The following HHAT variants were observed in gnomAD, a reference collection of about 807,000 sequenced individuals.
HHAT encodes the protein protein-cysteine N-palmitoyltransferase HHAT.
HHAT carries 47 observed loss-of-function variants against 70.8 expected under a neutral mutation model. That is an observed-to-expected ratio of 0.66 (90% CI 0.53 to 0.85). HHAT has a LOEUF of 0.85. HHAT is among the 40% of genes least tolerant of loss of function. HHAT has a pLI of 0.00. For missense variants in HHAT, 609 were observed against 604.8 expected, an observed-to-expected ratio of 1.01 and a Z score of -0.07; for synonymous variants, 228 against 247.6, an observed-to-expected ratio of 0.92 and a Z score of 0.74.
chr1:210,352,720 A>C (rs996714476), intron 2 of HHAT, among the ~76,000 whole-genome samples: 4 of 152,132 alleles, frequency 2.6e-5, no homozygotes, highest in African/African-American at 9.7e-5. Flanking sequence ...GCAAATCCAC[A>C]GCAGGGACTC....
chr1:210,363,474 T>C (rs1049172105), intron 3 of HHAT, among the ~76,000 whole-genome samples: 8 of 152,308 alleles, frequency 5.3e-5, no homozygotes, highest in African/African-American at 1.4e-4. Context: ...ATGTGACCAG[T>C]AGCACTTCTG....
At chr1:210,439,682 A>C (rs181741576) in intron 7 of HHAT, 2 of 152,078 alleles carry the variant, frequency 1.3e-5, no homozygotes, top group East Asian at 3.9e-4. Flanking sequence ...CGTGATGAGC[A>C]GGAGAGATGA....
intron 9 of HHAT, among the ~76,000 whole-genome samples, chr1:210,561,832 G>A (rs369554655): frequency 6.6e-5 from 10 of 152,144 alleles, no homozygotes; most frequent in Admixed American, 6.5e-4. Context: ...CTCAATGTTT[G>A]TTTTGTCTGT....
intron 10 of HHAT, among the ~76,000 whole-genome samples, chr1:210,592,203 T>C (rs1661874099): frequency 6.6e-6 from 1 of 152,178 alleles, no homozygotes; most frequent in Non-Finnish European, 1.5e-5. Flanking sequence ...GATTTGATTT[T>C]TTTTAATATG....
At chr1:210,618,606 A>C (rs1573777710) in intron 10 of HHAT, among the ~76,000 whole-genome samples, 1 of 150,558 alleles carries the variant, frequency 6.6e-6, no homozygotes, top group African/African-American at 2.5e-5. Flanking sequence ...GCCTGTCCCC[A>C]CCTCCCGTCT....
chr1:210,354,960 T>C (rs965631643), intron 2 of HHAT, among the ~76,000 whole-genome samples: 1 of 152,284 alleles, frequency 6.6e-6, no homozygotes, highest in African/African-American at 2.4e-5. Flanking sequence ...TTCTATCCAA[T>C]AATATATTTT....
intron 1 of HHAT, among the ~76,000 whole-genome samples, chr1:210,336,892 G>A (rs1202512081): frequency 6.6e-6 from 1 of 152,198 alleles, no homozygotes; most frequent in East Asian, 1.9e-4. Context: ...TCATTCTGAT[G>A]CTCCCAGGCT....
intron 9 of HHAT, among the ~76,000 whole-genome samples, chr1:210,516,441 G>T (rs371893354): frequency 6.6e-6 from 1 of 152,132 alleles, no homozygotes; most frequent in East Asian, 1.9e-4. Flanking sequence ...CTGATTCCTA[G>T]GGGGAGTGAG....
chr1:210,614,772 T>C (rs1278456751), intron 10 of HHAT, among the ~76,000 whole-genome samples: 6 of 152,254 alleles, frequency 3.9e-5, no homozygotes, highest in Non-Finnish European at 8.8e-5. Flanking sequence ...TAGTATTCCA[T>C]GGTGTATATG....
chr1:210,537,076 A>G lies in HHAT; in HGVS notation c.1043+23888A>G, dbSNP rs548841040. ...GGGCTTCAAGTTTGAAATAATGTCT[A>G]TTGCCTCTGATACATCCTCACCCAA... On this transcript the variant is annotated intron_variant, in intron 9 of 11. Coordinates refer to ENST00000261458, the MANE Select transcript of HHAT (RefSeq NM_018194.6). Among the ~76,000 whole-genome samples the G allele has an allele frequency of 7.2e-5, 11 of 152,168 alleles. No individual in the cohort carries two copies. In the South Asian group the frequency reaches 1.0e-3, roughly 14 times the overall value.
At chr1:210,636,705 C>T (rs889077288) in intron 11 of HHAT, among the ~76,000 whole-genome samples, 7 of 152,102 alleles carry the variant, frequency 4.6e-5, no homozygotes, top group Non-Finnish European at 8.8e-5. Flanking sequence ...CTACCATTGC[C>T]GGAAACAGAA....
chr1:210,490,563 C>CA (rs2094535549), intron 8 of HHAT, among the ~76,000 whole-genome samples: 1 of 152,120 alleles, frequency 6.6e-6, no homozygotes, highest in African/African-American at 2.4e-5. Flanking sequence ...ATATTCTGGC[C>CA]AAATCAAACA....
intron 7 of HHAT, among the ~76,000 whole-genome samples, chr1:210,434,802 TAAG>T (rs1005034861): frequency 3.3e-5 from 5 of 151,786 alleles, no homozygotes; most frequent in African/African-American, 1.2e-4. Flanking sequence ...ACACAGCAAA[TAAG>T]AAAATACAGG....
At chr1:210,663,653 A>T (rs941329175) in intron 11 of HHAT, among the ~76,000 whole-genome samples, 1 of 152,180 alleles carries the variant, frequency 6.6e-6, no homozygotes, top group African/African-American at 2.4e-5. Context: ...ATTTAGTAGA[A>T]TGCCCTTCCC....
intron 2 of HHAT, among the ~76,000 whole-genome samples, chr1:210,361,117 C>G (rs897308701): frequency 6.6e-6 from 1 of 152,174 alleles, no homozygotes; most frequent in Non-Finnish European, 1.5e-5. Flanking sequence ...TCCCGTGTAA[C>G]TCTGATGTTT....
At chr1:210,670,754 A>G (rs1002897095) in intron 11 of HHAT, among the ~76,000 whole-genome samples, 4 of 152,212 alleles carry the variant, frequency 2.6e-5, no homozygotes, top group African/African-American at 9.7e-5. Flanking sequence ...GGCATGTAAC[A>G]ATTATCAAGT....
intron 9 of HHAT, among the ~76,000 whole-genome samples, chr1:210,561,994 G>T (rs535842564): frequency 6.6e-6 from 1 of 152,316 alleles, no homozygotes; most frequent in East Asian, 1.9e-4. Context: ...TGAGTTAAAT[G>T]AATGGATGAA....
intron 3 of HHAT, among the ~76,000 whole-genome samples, chr1:210,382,252 G>A (rs1026593406): frequency 1.3e-5 from 2 of 152,164 alleles, no homozygotes; most frequent in African/African-American, 2.4e-5. Flanking sequence ...CCTTCTCCAC[G>A]GGTGGGTGAC....
At chr1:210,353,005 G>A (rs746999925) in intron 2 of HHAT, among the ~76,000 whole-genome samples, 19 of 151,148 alleles carry the variant, frequency 1.3e-4, no homozygotes, top group Non-Finnish European at 2.2e-4. Context: ...GCGCAATCTC[G>A]GCTCACTGCA....
Sources: allele counts gnomAD v4.1 joint callset (sites outside exome capture counted in the v4.1 genomes callset), GRCh38; gene constraint gnomAD v4.1.1; transcripts MANE v1.5; gene names NCBI Gene and HGNC (gene_info 2026-07-23, HGNC 2026-07-21).